Variants in PGLYRP3 observed in about 807,000 individuals in gnomAD.
PGLYRP3 encodes the protein peptidoglycan recognition protein 3.
PGLYRP3 carries 39 observed loss-of-function variants against 36.0 expected under a neutral mutation model. That is an observed-to-expected ratio of 1.08 (90% CI 0.84 to 1.41). The LOEUF (loss-of-function observed/expected upper bound fraction) is 1.41. PGLYRP3 is among the 40% of genes most tolerant of loss of function. The pLI is 0.00. For synonymous variants in PGLYRP3, 204 were observed against 172.8 expected, an observed-to-expected ratio of 1.18 and a Z score of -1.42; for missense variants, 407 against 427.9, an observed-to-expected ratio of 0.95 and a Z score of 0.43.
intron 2 of PGLYRP3, among the ~76,000 whole-genome samples, chr1:153,308,058 G>T (rs955695832): frequency 2.6e-5 from 4 of 151,254 alleles, no homozygotes; most frequent in African/African-American, 9.7e-5. Context: ...GCAGTGGCGC[G>T]ATCTCGGCTC....
At chr1:153,303,154 G>T (rs992109820) in intron 5 of PGLYRP3, among the ~76,000 whole-genome samples, 1 of 152,162 alleles carries the variant, frequency 6.6e-6, no homozygotes, top group Non-Finnish European at 1.5e-5. Context: ...CCCAAGAAAA[G>T]GTCCACTAGC....
chr1:153,302,581 C>A lies in PGLYRP3; in HGVS notation c.556G>T (p.Ala186Ser). The part of the protein sequence containing the change: ...KVCPNIIKRS[A>S]WEARETHCPK... ...CAGTGTGTCTCTCTGGCTTCCCAAG[C>A]AGATCGTTTGATGATGTTGGGGCAA... is the stretch of plus-strand genomic sequence containing the variant. Residue 186 changes from alanine (A) to serine (S), a missense_variant, in exon 6 of 8, where the codon GCT becomes TCT. Coordinates refer to ENST00000683862, the MANE Select transcript of PGLYRP3 (RefSeq NM_052891.3). The A allele has an allele frequency of 6.2e-7, 1 of 1,614,136 alleles. No individual in the cohort carries two copies. Among genetic ancestry groups the A allele is most frequent in the Non-Finnish European group, 8.5e-7 (1 of 1,180,012 alleles).
Position 153,298,140 on chromosome 1 carries a change from A to G in PGLYRP3, c.848-6T>C, listed in dbSNP as rs371894209. The G allele has an allele frequency of 8.7e-6, 14 of 1,613,396 alleles. No homozygotes were observed. The highest frequency in any genetic ancestry group is 1.3e-5 in the African/African-American group (1 of 74,800). ...TGCAGCATTTGGAGGCTTTTCTGCA[A>G]AACACATTTTCCCCATCAGTCATTA... is the stretch of plus-strand genomic sequence containing the variant. On this transcript the variant is annotated splice_polypyrimidine_tract_variant and splice_region_variant and intron_variant, in intron 7 of 7. Transcript: ENST00000683862.
At chr1:153,301,173 G>A (rs957056553) in intron 6 of PGLYRP3, among the ~76,000 whole-genome samples, 7 of 152,052 alleles carry the variant, frequency 4.6e-5, no homozygotes, top group Admixed American at 1.3e-4. Flanking sequence ...CTTCCGCCTC[G>A]GCCTCCTAAA....
At chr1:153,302,721 G>A (rs930999624) in intron 5 of PGLYRP3, 114 bp from the exon 6 acceptor site, 6 of 934,660 alleles carry the variant, frequency 6.4e-6, no homozygotes, top group Admixed American at 4.3e-5. Context: ...CAGCACCCAC[G>A]GGCACATCCT....
chr1:153,299,050 T>G, intron 7 of PGLYRP3, 63 bp downstream of exon 7: 1 of 1,394,226 alleles, frequency 7.2e-7, no homozygotes, highest in Non-Finnish European at 1.0e-6. Context: ...CCGCCATGCT[T>G]CCCAGACATG....
At chr1:153,298,373 G>A (rs1416581037) in intron 7 of PGLYRP3, among the ~76,000 whole-genome samples, 1 of 152,056 alleles carries the variant, frequency 6.6e-6, no homozygotes, top group Non-Finnish European at 1.5e-5. Flanking sequence ...GCTGTGGAGG[G>A]GGCCAGGTGC....
Position 153,304,995 on chromosome 1 carries a change from C to T in PGLYRP3, c.328G>A (p.Gly110Ser). The change falls in exon 4 of 8, where the codon GGC (glycine) becomes AGC (serine). Residue 110 changes from glycine (G) to serine (S), a missense_variant. Coordinates refer to ENST00000683862, the MANE Select transcript of PGLYRP3 (RefSeq NM_052891.3). Reference protein sequence around the residue: ...GWNIQGLHTQGYNNISLGIAF... With the variant: ...GWNIQGLHTQSYNNISLGIAF... ...ATGCCCAGGGAAATGTTGTTGTAGC[C>T]CTGGGTGTGCAAGCCTTGGATGTTC... 1 of 1,613,638 alleles carries T rather than the reference C, an allele frequency of 6.2e-7. No individual in the cohort carries two copies. Among genetic ancestry groups the T allele is most frequent in the Non-Finnish European group, 8.5e-7 (1 of 1,179,776 alleles).
At position 153,302,583 on chromosome 1, in the gene PGLYRP3, G is replaced by T. The variant is rs1017901156; in HGVS notation, c.554C>A (p.Ser185Tyr). Residue 185 changes from serine to tyrosine, a missense_variant, in exon 6 of 8, where the codon TCT becomes TAT. By Grantham distance (144) the Ser-to-Tyr change is moderately radical (BLOSUM62 -2). Transcript: ENST00000683862. ...GTGTGTCTCTCTGGCTTCCCAAGCAGATCGTTTGATGATGTTGGGGCAAAC... is the reference window on the plus strand; with the variant it reads ...GTGTGTCTCTCTGGCTTCCCAAGCATATCGTTTGATGATGTTGGGGCAAAC... ...RKVCPNIIKRSAWEARETHCP... is the reference protein window; with the variant it reads ...RKVCPNIIKRYAWEARETHCP... 6 of 1,614,206 alleles carry T rather than the reference G, an allele frequency of 3.7e-6. No homozygotes were observed. The highest frequency in any genetic ancestry group is 5.1e-6 in the Non-Finnish European group (6 of 1,180,040).
At position 153,312,697 on chromosome 1, in the gene PGLYRP3, C is replaced by A. The variant is rs913875106; in HGVS notation, c.-96G>T. ...AGGTCAGGGTGCAGTCGGCTCGCCC[C>A]TGATTGGCCAGCAGCTCCTTCCCTT... On this transcript the variant is annotated 5_prime_UTR_variant, in exon 1 of 8. In the 5' UTR this introduces an upstream ATG that the reference lacks. Coordinates refer to ENST00000683862, the MANE Select transcript of PGLYRP3 (RefSeq NM_052891.3). 2.2e-4 allele frequency among the ~76,000 whole-genome samples: 33 copies of A among 152,112 alleles called. No homozygotes were observed. Among genetic ancestry groups the A allele is most frequent in the African/African-American group, 7.2e-4 (30 of 41,436 alleles).
chr1:153,303,844 T>A lies in PGLYRP3; in HGVS notation c.529+13A>T, dbSNP rs1338647536. On this transcript the variant is annotated intron_variant, in intron 5 of 7. Transcript: ENST00000683862. ...TGACGAGGAGGAGGGTGAGGTGACA[T>A]GGAGGGTCTTACCCTTCCTGGGCAT... is the stretch of plus-strand genomic sequence containing the variant. 6.2e-7 allele frequency: 1 copy of A among 1,602,132 alleles called. No homozygotes were observed. Among genetic ancestry groups the A allele is most frequent in the East Asian group, 2.2e-5 (1 of 44,696 alleles).
chr1:153,306,480 A>G (rs1414258969), intron 3 of PGLYRP3, among the ~76,000 whole-genome samples: 1 of 151,308 alleles, frequency 6.6e-6, no homozygotes, highest in East Asian at 1.9e-4. Context: ...CCCAAAGCCC[A>G]CTCTCCCCGG....
At chr1:153,305,116 C>T in intron 3 of PGLYRP3, 51 bp from the exon 4 acceptor site, 1 of 1,474,482 alleles carries the variant, frequency 6.8e-7, no homozygotes, top group South Asian at 1.2e-5. Flanking sequence ...AAATGAAAAC[C>T]TCTCACTGAT....
Position 153,307,111 on chromosome 1 carries a change from T to G in PGLYRP3, c.212A>C (p.Gln71Pro). The G allele has an allele frequency of 6.2e-7, 1 of 1,613,734 alleles. No individual in the cohort carries two copies. Among genetic ancestry groups the G allele is most frequent in the Non-Finnish European group, 8.5e-7 (1 of 1,179,864 alleles). Residue 71 changes from glutamine to proline, a missense_variant, in exon 3 of 8, where the codon CAG becomes CCG. By Grantham distance (76) the Gln-to-Pro change is moderately conservative (BLOSUM62 -1). Coordinates refer to ENST00000683862, the MANE Select transcript of PGLYRP3 (RefSeq NM_052891.3). The stretch of plus-strand genomic sequence containing the variant: ...GCCTATGGTGTAGACGGAATGGGAC[T>G]GCAACCCCCGCAGCATCTGGCTGCA... The part of the protein sequence containing the change: ...SVCSQMLRGL[Q>P]SHSVYTIGWC...
chr1:153,304,860 G>A, intron 4 of PGLYRP3, 87 bp downstream of exon 4: 1 of 968,774 alleles, frequency 1.0e-6, no homozygotes, highest in Non-Finnish European at 1.5e-6. Context: ...ATGATGTAGG[G>A]TAAAAAGATG....
intron 5 of PGLYRP3, among the ~76,000 whole-genome samples, chr1:153,302,849 G>A (rs3820142): frequency 0.019 from 2,855 of 152,292 alleles, 64 homozygotes; most frequent in East Asian, 0.098. Flanking sequence ...AGAAATCAGC[G>A]TATAAGCAGA....
At chr1:153,309,303 C>T (rs1426892465) in intron 2 of PGLYRP3, among the ~76,000 whole-genome samples, 2 of 152,210 alleles carry the variant, frequency 1.3e-5, no homozygotes, top group African/African-American at 4.8e-5. Context: ...AGCAAAGCAA[C>T]TATGCTGTCT....
chr1:153,306,654 A>AT (rs1659745000), intron 3 of PGLYRP3, among the ~76,000 whole-genome samples: 1 of 152,112 alleles, frequency 6.6e-6, no homozygotes, highest in South Asian at 2.1e-4. Context: ...AGAGCTTTTA[A>AT]TTCCCCCAAA....
Position 153,304,008 on chromosome 1 carries a change from G to T in PGLYRP3, c.378C>A (p.Gly126=). The change falls in exon 5 of 8, where the codon GGC becomes GGA. Residue 126 remains glycine (G), a splice_region_variant and synonymous_variant. Transcript: ENST00000683862. ...LGIAFFGNKI[G]SSPSPAALSA... The stretch of plus-strand genomic sequence containing the variant: ...ATAAGGCAGCAGGGCTGGGACTGCT[G>T]CCTTAAAGAGGAGGACAGGGAGCAC... The T allele has an allele frequency of 6.2e-7, 1 of 1,611,618 alleles. No individual in the cohort carries two copies. The highest frequency in any genetic ancestry group is 8.5e-7 in the Non-Finnish European group (1 of 1,178,406).
Sources: allele counts gnomAD v4.1 joint callset (sites outside exome capture counted in the v4.1 genomes callset), GRCh38; gene constraint gnomAD v4.1.1; transcripts MANE v1.5; gene names NCBI Gene and HGNC (gene_info 2026-07-23, HGNC 2026-07-21).